FRMPD1: variants seen among roughly 807,000 people sequenced by gnomAD.
FRMPD1 encodes FERM and PDZ domain containing 1.
In FRMPD1, 76 loss-of-function variants were observed where a neutral mutation model predicts 117.8. The ratio of observed to expected loss-of-function variants is 0.65; its 90% CI spans 0.54 to 0.78. The LOEUF (loss-of-function observed/expected upper bound fraction) is 0.78, where lower values mean the gene tolerates loss of function less well. FRMPD1 is among the 30% of genes least tolerant of loss of function. The pLI, the probability that FRMPD1 is intolerant of heterozygous loss-of-function variation, is 0.00. For synonymous variants in FRMPD1, 783 were observed against 770.4 expected, an observed-to-expected ratio of 1.02 and a Z score of -0.27; for missense variants, 1,786 against 1,964.5, an observed-to-expected ratio of 0.91 and a Z score of 1.72.
chr9:37,649,675 G>C (rs1166627605), upstream of FRMPD1, among the ~76,000 whole-genome samples: 1 of 152,188 alleles, frequency 6.6e-6, no homozygotes, highest in Non-Finnish European at 1.5e-5. Context: ...GGATGCACTT[G>C]TTAACATCTG....
At position 37,685,458 on chromosome 9, in the gene FRMPD1, A is replaced by G. The variant is rs941465139; in HGVS notation, c.-4-7180A>G. Among the ~76,000 whole-genome samples, 20 of 151,822 alleles carry G rather than the reference A, an allele frequency of 1.3e-4. 1 individual carries two copies. The highest frequency in any genetic ancestry group is 6.6e-4 in the Admixed American group (10 of 15,240). The stretch of plus-strand genomic sequence containing the variant: ...GGAGATCGAGACTATCCTGGCTAAC[A>G]CGGTGAAACCCTGTCTCTACTAAAA... On this transcript the variant is annotated intron_variant, in intron 1 of 15. Coordinates refer to ENST00000377765, the MANE Select transcript of FRMPD1 (RefSeq NM_014907.3).
chr9:37,626,199 A>T, the FRMPD1 span, among the ~76,000 whole-genome samples: 1 of 152,156 alleles, frequency 6.6e-6, no homozygotes, highest in Non-Finnish European at 1.5e-5. Context: ...ATGGTGGCAC[A>T]TGCCTGTAAT....
chr9:37,737,653 A>G (rs1336782702), intron 14 of FRMPD1, among the ~76,000 whole-genome samples: 1 of 151,938 alleles, frequency 6.6e-6, no homozygotes, highest in Non-Finnish European at 1.5e-5. Context: ...GTGAAACCTC[A>G]TCTCTACTAA....
the FRMPD1 span, among the ~76,000 whole-genome samples, chr9:37,619,005 C>T: frequency 1.3e-5 from 2 of 152,176 alleles, no homozygotes; most frequent in Non-Finnish European, 2.9e-5. Context: ...ATTTTCCTCT[C>T]CCACAGCACA....
chr9:37,719,820 C>G (rs1823315958), intron 6 of FRMPD1, among the ~76,000 whole-genome samples: 1 of 152,084 alleles, frequency 6.6e-6, no homozygotes, highest in African/African-American at 2.4e-5. Context: ...GTTGGGGGTT[C>G]AGAAGACAAA....
At chr9:37,666,530 C>T (rs1588910252) in intron 1 of FRMPD1, among the ~76,000 whole-genome samples, 1 of 152,068 alleles carries the variant, frequency 6.6e-6, no homozygotes, top group East Asian at 1.9e-4. Context: ...CCCTGGTGTG[C>T]CCCCGTTGCC....
chr9:37,678,915 C>A (rs2117906930), intron 1 of FRMPD1, among the ~76,000 whole-genome samples: 1 of 152,320 alleles, frequency 6.6e-6, no homozygotes, highest in African/African-American at 2.4e-5. Context: ...TTAGCTTTTC[C>A]AAGTAGGCTA....
At chr9:37,710,272 A>T (rs369793650) in intron 4 of FRMPD1, among the ~76,000 whole-genome samples, 5 of 152,238 alleles carry the variant, frequency 3.3e-5, no homozygotes, top group African/African-American at 1.2e-4. Context: ...TTTTGAGGAA[A>T]TAACACACCA....
In FRMPD1 at chr9:37,740,246, C is replaced by T; in HGVS notation, c.1718C>T (p.Pro573Leu). ...SPTPEVARRG[P>L]STCGASSTTD... is the part of the protein sequence containing the mutation. Reference sequence around the variant, plus strand: ...ACACCTGAGGTGGCTAGGAGGGGCCCCAGCACCTGCGGGGCCAGCAGCACG... The same window carrying T: ...ACACCTGAGGTGGCTAGGAGGGGCCTCAGCACCTGCGGGGCCAGCAGCACG... The change falls in exon 15 of 16, where the codon CCC (proline) becomes CTC (leucine). Residue 573 changes from proline (P) to leucine (L), a missense_variant. By Grantham distance (98) the Pro-to-Leu change is moderately conservative. Transcript: ENST00000377765. The surrounding 1 kb of genome is among the most constrained non-coding windows in gnomAD (Gnocchi z 4.2). 1 of 1,613,962 alleles carries T rather than the reference C, an allele frequency of 6.2e-7. No homozygotes were observed. The highest frequency in any genetic ancestry group is 8.5e-7 in the Non-Finnish European group (1 of 1,179,996).
intron 14 of FRMPD1, among the ~76,000 whole-genome samples, chr9:37,738,150 G>A (rs916170714): frequency 6.6e-6 from 1 of 152,200 alleles, no homozygotes; most frequent in Non-Finnish European, 1.5e-5. Context: ...CTCACGATGG[G>A]TAATTTCAGG....
chr9:37,639,432 C>T, the FRMPD1 span, among the ~76,000 whole-genome samples: 3 of 152,138 alleles, frequency 2.0e-5, no homozygotes, highest in East Asian at 3.8e-4. Flanking sequence ...TGTGGCTCTG[C>T]AGGACACCTC....
chr9:37,641,657 A>T, the FRMPD1 span, among the ~76,000 whole-genome samples: 1 of 152,168 alleles, frequency 6.6e-6, no homozygotes, highest in Admixed American at 6.5e-5. Context: ...TTTTTAAGAA[A>T]ATCTAGATCA....
chr9:37,700,762 C>T (rs1822501910), intron 2 of FRMPD1, among the ~76,000 whole-genome samples: 1 of 152,108 alleles, frequency 6.6e-6, no homozygotes, highest in Admixed American at 6.5e-5. Context: ...AGGGGAGATC[C>T]AGTTATCTGG....
rs527758490 is a variant in FRMPD1 at position 37,707,333 on chromosome 9, C to G, written c.102-83C>G. On this transcript the variant is annotated intron_variant, in intron 2 of 15. Coordinates refer to ENST00000377765, the MANE Select transcript of FRMPD1 (RefSeq NM_014907.3). ...TGTCTGCTCAGTTCTGCATCTTTCTCCATGATGCTTAGGGCTGACCCAGTT... is the reference window on the plus strand; with the variant it reads ...TGTCTGCTCAGTTCTGCATCTTTCTGCATGATGCTTAGGGCTGACCCAGTT... 1.5e-4 allele frequency: 174 copies of G among 1,137,124 alleles called. 1 individual carries two copies. The highest frequency in any genetic ancestry group is 9.6e-4 in the Middle Eastern group (4 of 4,176). 70.4% of individuals were successfully genotyped at this position (1,137,124 alleles called of 1,614,324 possible). A position where few individuals can be genotyped will look rare whatever the true frequency, so the allele number is the denominator to read the frequency against.
the FRMPD1 span, among the ~76,000 whole-genome samples, chr9:37,613,615 G>A: frequency 4.2e-3 from 644 of 152,308 alleles, 6 homozygotes; most frequent in African/African-American, 0.014. Flanking sequence ...AGACAGGGTA[G>A]TCAACCATGG....
Position 37,740,009 on chromosome 9 carries a change from C to G in FRMPD1, c.1550-69C>G. ...TCGTCTGGCAGGGTTGGGTGGGGGT[C>G]AGGGGGCTAGAAGGACACATAGGTA... On this transcript the variant is annotated intron_variant, in intron 14 of 15. Transcript: ENST00000377765. This position sits in a 1 kb window ranked among gnomAD's most constrained non-coding sequence, Gnocchi z 4.2. The G allele has an allele frequency of 8.3e-7, 1 of 1,205,906 alleles. No individual in the cohort carries two copies. The allele number at this position is 1,205,906 out of a possible 1,614,324, so 74.7% of individuals were successfully genotyped here.
intron 1 of FRMPD1, among the ~76,000 whole-genome samples, chr9:37,690,009 G>A (rs907135381): frequency 6.6e-6 from 1 of 151,964 alleles, no homozygotes; most frequent in Non-Finnish European, 1.5e-5. Flanking sequence ...ATTCACTAGG[G>A]TGGGCAATTA....
chr9:37,617,691 T>C, the FRMPD1 span, among the ~76,000 whole-genome samples: 6 of 152,340 alleles, frequency 3.9e-5, no homozygotes, highest in African/African-American at 1.4e-4. Context: ...GGTGGATTAC[T>C]TTCTAAATGG....
chr9:37,634,103 A>G, the FRMPD1 span, among the ~76,000 whole-genome samples: 1 of 152,220 alleles, frequency 6.6e-6, no homozygotes. Context: ...ATATTAATTT[A>G]TCAATTTTAA....
Sources: allele counts gnomAD v4.1 joint callset (sites outside exome capture counted in the v4.1 genomes callset), GRCh38; gene constraint gnomAD v4.1.1; non-coding constraint Gnocchi (gnomAD v3.1); transcripts MANE v1.5; gene names NCBI Gene and HGNC (gene_info 2026-07-23, HGNC 2026-07-21).